NUFIP2: variants seen among roughly 807,000 people sequenced by gnomAD.
NUFIP2 encodes FMR1-interacting protein NUFIP2.
In NUFIP2, 6 loss-of-function variants were observed where a neutral mutation model predicts 56.9. That is an observed-to-expected ratio of 0.11 (90% CI 0.06 to 0.21). The LOEUF (loss-of-function observed/expected upper bound fraction) is 0.21. Among genes scored for constraint, NUFIP2 ranks in the 10% least tolerant of loss-of-function variants. The pLI, the probability that NUFIP2 is intolerant of heterozygous loss-of-function variation, is 1.00. For synonymous variants in NUFIP2, 321 were observed against 298.2 expected (o/e 1.08, Z -0.79); for missense variants, 828 against 826.8 (o/e 1.00, Z -0.02).
At position 29,286,395 on chromosome 17, in the gene NUFIP2, C is replaced by G; in HGVS notation, c.1599G>C (p.Glu533Asp). Residue 533 changes from glutamate (E) to aspartate (D), a missense_variant, in exon 2 of 4, where the codon GAG becomes GAC. This residue lies in a region of NUFIP2 where 404 missense variants were observed against 380.3 expected (regional missense o/e 1.06). Transcript: ENST00000225388. ...CAGGATATTCTCCTTGAAATGTCAC[C>G]TCCATCACTTTATGCTCTGATGACT... Reference protein sequence around the residue: ...TGKSSEHKVMEVTFQGEYPAT... With the variant: ...TGKSSEHKVMDVTFQGEYPAT... 1 of 1,614,170 alleles carries G rather than the reference C, an allele frequency of 6.2e-7. No individual in the cohort carries two copies. Among genetic ancestry groups the G allele is most frequent in the Non-Finnish European group, 8.5e-7 (1 of 1,180,032 alleles).
Position 29,263,672 on chromosome 17 carries a change from C to A in NUFIP2, c.*867G>T, listed in dbSNP as rs765500329. 1 of 152,592 alleles carries A rather than the reference C, an allele frequency of 6.6e-6. No homozygotes were observed. Among genetic ancestry groups the A allele is most frequent in the African/African-American group, 2.4e-5 (1 of 41,432 alleles). The allele number at this position is 152,592 out of a possible 1,614,324, so 9.5% of individuals were successfully genotyped here. On this transcript the variant is annotated 3_prime_UTR_variant, in exon 4 of 4. Coordinates refer to ENST00000225388, the MANE Select transcript of NUFIP2 (RefSeq NM_020772.3). ...GAATATATTTTTGCTCCCAGTTATA[C>A]AATTACATTAAAATATGGGCACAGG... is the stretch of plus-strand genomic sequence containing the variant.
intron 3 of NUFIP2, among the ~76,000 whole-genome samples, chr17:29,267,075 T>C (rs2069041730): frequency 6.7e-6 from 1 of 149,756 alleles, no homozygotes. Flanking sequence ...AGCTAATTTT[T>C]GTATTTTTAG....
At chr17:29,273,008 C>T (rs1598431475) in intron 2 of NUFIP2, among the ~76,000 whole-genome samples, 1 of 146,056 alleles carries the variant, frequency 6.8e-6, no homozygotes, top group Non-Finnish European at 1.5e-5. Flanking sequence ...CGCCACCAGG[C>T]CCAGCTAATA....
In NUFIP2 at chr17:29,256,398, C is replaced by T. The variant is rs1165952539; in HGVS notation, c.*8141G>A. ...ACTCCTGCATTTCTGCCTTTTAAGG[C>T]CATGCAATTAATATGGGTCACCTTT... On this transcript the variant is annotated 3_prime_UTR_variant, in exon 4 of 4. Transcript: ENST00000225388. 1.3e-5 allele frequency: 2 copies of T among 152,150 alleles called. No individual in the cohort carries two copies. Among genetic ancestry groups the T allele is most frequent in the East Asian group, 3.9e-4 (2 of 5,194 alleles). The allele number at this position is 152,150 out of a possible 1,614,324, so 9.4% of individuals were successfully genotyped here.
At chr17:29,266,045 A>G (rs1200399816) in intron 3 of NUFIP2, among the ~76,000 whole-genome samples, 1 of 152,086 alleles carries the variant, frequency 6.6e-6, no homozygotes. Flanking sequence ...ATCTCAGCTC[A>G]CTGCAACCTC....
chr17:29,282,290 C>T (rs997343860), intron 2 of NUFIP2, among the ~76,000 whole-genome samples: 3 of 151,878 alleles, frequency 2.0e-5, no homozygotes, highest in African/African-American at 7.3e-5. Context: ...GGTGCAGTGG[C>T]TCACACCCGT....
rs541120733 is a variant in NUFIP2, at chr17:29,266,214, G to A, written c.2035+1284C>T. 3.3e-5 allele frequency among the ~76,000 whole-genome samples: 5 copies of A among 152,236 alleles called. No individual in the cohort carries two copies. In the South Asian group the frequency reaches 1.0e-3, roughly 32 times the overall value. ...CTCCTGAACCTCAGGTGATCCACCTGCCTCCGCCTCCCAAAGTGCTGGGAT... is the reference window on the plus strand; with the variant it reads ...CTCCTGAACCTCAGGTGATCCACCTACCTCCGCCTCCCAAAGTGCTGGGAT... On this transcript the variant is annotated intron_variant, in intron 3 of 3. Coordinates refer to ENST00000225388, the MANE Select transcript of NUFIP2 (RefSeq NM_020772.3).
intron 2 of NUFIP2, among the ~76,000 whole-genome samples, chr17:29,270,430 GTTAAA>G: frequency 6.6e-6 from 1 of 151,642 alleles, no homozygotes; most frequent in South Asian, 2.1e-4. Context: ...ACGAGGAACA[GTTAAA>G]TGTTCTTTAT....
At position 29,287,111 on chromosome 17, in the gene NUFIP2, C is replaced by G; in HGVS notation, c.883G>C (p.Ala295Pro). ...CTTTTCCGAAGCATATCACCCACAG[C>G]AGGTTTTCCTCGACTTGTTCCTCCA... is the stretch of plus-strand genomic sequence containing the variant. ...GPGGTSRGKP[A>P]VGDMLRKSSD... The change falls in exon 2 of 4, where the codon GCT becomes CCT. Residue 295 changes from alanine to proline, a missense_variant. Ala to Pro is a conservative substitution (Grantham distance 27, BLOSUM62 -1). Around this residue, in one of 3 missense-constraint regions of NUFIP2, gnomAD observed 415 missense variants for 408.7 expected, o/e 1.02. Coordinates refer to ENST00000225388, the MANE Select transcript of NUFIP2 (RefSeq NM_020772.3). 1 of 1,614,194 alleles carries G rather than the reference C, an allele frequency of 6.2e-7. No homozygotes were observed. The highest frequency in any genetic ancestry group is 8.5e-7 in the Non-Finnish European group (1 of 1,180,030).
At position 29,256,284 on chromosome 17, in the gene NUFIP2, C is replaced by A. The variant is rs2068970994; in HGVS notation, c.*8255G>T. 1 of 152,234 alleles carries A rather than the reference C, an allele frequency of 6.6e-6. No homozygotes were observed. Among genetic ancestry groups the A allele is most frequent in the South Asian group, 2.1e-4 (1 of 4,834 alleles). 9.4% of individuals were successfully genotyped at this position (152,234 alleles called of 1,614,324 possible). A position where few individuals can be genotyped will look rare whatever the true frequency, so the allele number is the denominator to read the frequency against. ...TGCACGAGACAGAGAAATTACTTCA[C>A]TCCTCCAGTAGGTTCTAAGACTGAA... is the stretch of plus-strand genomic sequence containing the variant. On this transcript the variant is annotated 3_prime_UTR_variant, in exon 4 of 4. Transcript: ENST00000225388.
At chr17:29,268,933 T>A (rs569100143) in intron 2 of NUFIP2, among the ~76,000 whole-genome samples, 4 of 152,174 alleles carry the variant, frequency 2.6e-5, no homozygotes, top group Admixed American at 2.6e-4. Flanking sequence ...ATGTCTACAA[T>A]GTGCTTAGTT....
intron 2 of NUFIP2, among the ~76,000 whole-genome samples, chr17:29,275,933 C>T (rs1363133407): frequency 2.6e-5 from 4 of 151,694 alleles, no homozygotes; most frequent in African/African-American, 9.7e-5. Context: ...GAGGCTGAGG[C>T]AGGAGAATTG....
intron 1 of NUFIP2, among the ~76,000 whole-genome samples, chr17:29,289,517 G>A (rs1265197224): frequency 2.0e-5 from 3 of 152,048 alleles, no homozygotes; most frequent in Non-Finnish European, 4.4e-5. Flanking sequence ...GCTTGAATCC[G>A]GGAGGCAGAG....
chr17:29,274,772 G>A (rs545505367), intron 2 of NUFIP2, among the ~76,000 whole-genome samples: 2 of 152,160 alleles, frequency 1.3e-5, no homozygotes, highest in South Asian at 2.1e-4. Context: ...GTAATGAACA[G>A]AACAGATGAA....
intron 3 of NUFIP2, among the ~76,000 whole-genome samples, chr17:29,267,245 G>A (rs2069043384): frequency 1.3e-5 from 2 of 151,484 alleles, no homozygotes; most frequent in East Asian, 1.9e-4. Flanking sequence ...ATAGAGACGG[G>A]GTCTGGCTAT....
At chr17:29,292,185 C>T (rs982020524) in intron 1 of NUFIP2, among the ~76,000 whole-genome samples, 1 of 152,076 alleles carries the variant, frequency 6.6e-6, no homozygotes, top group East Asian at 1.9e-4. Flanking sequence ...CGAAAAACAC[C>T]TTTCTTTTTA....
chr17:29,274,434 C>T (rs1218350189), intron 2 of NUFIP2, among the ~76,000 whole-genome samples: 5 of 152,190 alleles, frequency 3.3e-5, no homozygotes, highest in Non-Finnish European at 5.9e-5. Flanking sequence ...AATCATGCCA[C>T]TGCACTCCAG....
At chr17:29,272,741 C>G (rs559301123) in intron 2 of NUFIP2, among the ~76,000 whole-genome samples, 122 of 151,820 alleles carry the variant, frequency 8.0e-4, no homozygotes, top group African/African-American at 2.8e-3. Flanking sequence ...AGGAGCATTT[C>G]CTTTTTGAAC....
At chr17:29,287,828 T>TA (rs772695752) in intron 1 of NUFIP2, 112 bp from the exon 2 acceptor site, 28 of 1,031,624 alleles carry the variant, frequency 2.7e-5, no homozygotes, top group Non-Finnish European at 3.4e-5. Context: ...CTATGAGCTG[T>TA]AGCTTTATAT....
Sources: allele counts gnomAD v4.1 joint callset (sites outside exome capture counted in the v4.1 genomes callset), GRCh38; gene constraint gnomAD v4.1.1; regional missense constraint gnomAD v4.1.1; transcripts MANE v1.5; gene names NCBI Gene and HGNC (gene_info 2026-07-23, HGNC 2026-07-21).